Variants in ARHGEF33 observed in about 807,000 individuals in gnomAD.
The protein encoded by ARHGEF33 is Rho guanine nucleotide exchange factor 33, also known as DH and coiled-coil domain-containing protein ENSP00000381780.
Under a neutral mutation model 101.9 loss-of-function variants are expected in ARHGEF33, and 72 were observed. The ratio of observed to expected loss-of-function variants is 0.71; its 90% CI spans 0.58 to 0.86. The LOEUF (loss-of-function observed/expected upper bound fraction) is 0.86. Among genes scored for constraint, ARHGEF33 ranks in the 40% least tolerant of loss-of-function variants. The pLI is 0.00. For missense variants in ARHGEF33, 1,169 were observed against 1,111.3 expected, an observed-to-expected ratio of 1.05 and a Z score of -0.74; for synonymous variants, 499 against 442.5, an observed-to-expected ratio of 1.13 and a Z score of -1.60.
intron 2 of ARHGEF33, among the ~76,000 whole-genome samples, chr2:38,918,647 A>C (rs554901225): frequency 6.6e-6 from 1 of 152,334 alleles, no homozygotes; most frequent in East Asian, 1.9e-4. Flanking sequence ...AGTCTACCAG[A>C]TGCCGAAAGT....
intron 16 of ARHGEF33, among the ~76,000 whole-genome samples, chr2:38,961,621 GCAAA>G (rs1667941663): frequency 6.6e-6 from 1 of 152,056 alleles, no homozygotes; most frequent in Non-Finnish European, 1.5e-5. Context: ...TAATTTTTCA[GCAAA>G]CACTGAGTTC....
intron 15 of ARHGEF33, chr2:38,959,392 C>G (rs115277192): frequency 6.5e-6 from 1 of 154,336 alleles, no homozygotes; most frequent in African/African-American, 2.4e-5. Flanking sequence ...CAACAGTTAT[C>G]AAGATCATGC....
chr2:38,948,674 T>G (rs1667513085), intron 10 of ARHGEF33, among the ~76,000 whole-genome samples: 1 of 152,150 alleles, frequency 6.6e-6, no homozygotes, highest in Admixed American at 6.5e-5. Context: ...GGACAATTCT[T>G]CACAAAGTCA....
intron 14 of ARHGEF33, 137 bp downstream of exon 14, chr2:38,957,184 A>G: frequency 9.0e-7 from 1 of 1,115,152 alleles, no homozygotes; most frequent in East Asian, 2.6e-5. Context: ...GGAGAGAAAG[A>G]GCTAGTCAGA....
chr2:38,963,027 A>G (rs1330218908), intron 16 of ARHGEF33, among the ~76,000 whole-genome samples: 5 of 149,976 alleles, frequency 3.3e-5, no homozygotes, highest in Admixed American at 3.3e-4. Context: ...CTGTCTCAAA[A>G]AAAAAAAAAA....
chr2:38,962,143 C>T (rs1667957519), intron 16 of ARHGEF33, among the ~76,000 whole-genome samples: 1 of 152,100 alleles, frequency 6.6e-6, no homozygotes, highest in African/African-American at 2.4e-5. Context: ...GATTTTCAAC[C>T]CCAAGCTTTG....
chr2:38,940,770 T>C (rs1357110147), intron 9 of ARHGEF33, among the ~76,000 whole-genome samples: 1 of 152,240 alleles, frequency 6.6e-6, no homozygotes, highest in Admixed American at 6.5e-5. Context: ...CAGCAAGCTA[T>C]TGCAGCAGAC....
At chr2:38,941,869 A>C (rs1667318263) in intron 9 of ARHGEF33, among the ~76,000 whole-genome samples, 1 of 151,654 alleles carries the variant, frequency 6.6e-6, no homozygotes, top group African/African-American at 2.4e-5. Context: ...TCTATCTGGT[A>C]ACTTTTAGGA....
At chr2:38,890,242 A>C (rs1665966244) in intron 1 of ARHGEF33, among the ~76,000 whole-genome samples, 1 of 152,204 alleles carries the variant, frequency 6.6e-6, no homozygotes, top group African/African-American at 2.4e-5. Flanking sequence ...CTGGAGACTG[A>C]AGTTGTTCTG....
intron 15 of ARHGEF33, 84 bp from the exon 16 acceptor site, chr2:38,959,757 G>T: frequency 7.2e-7 from 1 of 1,384,914 alleles, no homozygotes; most frequent in East Asian, 2.5e-5. Context: ...CTCGGAGCGC[G>T]GCCCCGAGGG....
intron 17 of ARHGEF33, among the ~76,000 whole-genome samples, chr2:38,969,865 C>T (rs1572785685): frequency 6.6e-6 from 1 of 152,216 alleles, no homozygotes; most frequent in African/African-American, 2.4e-5. Context: ...CAAACTGTCC[C>T]ATTCTAGAAG....
At chr2:38,905,670 T>A (rs1666372073) in intron 2 of ARHGEF33, among the ~76,000 whole-genome samples, 1 of 152,348 alleles carries the variant, frequency 6.6e-6, no homozygotes, top group East Asian at 1.9e-4. Flanking sequence ...TATTTAGTTC[T>A]ACAGCAGGAA....
chr2:38,973,009 G>A (rs1303927410), intron 17 of ARHGEF33: 1 of 152,202 alleles, frequency 6.6e-6, no homozygotes, highest in Non-Finnish European at 1.5e-5. Context: ...CCTCCCTCCA[G>A]GGACTTCTGA....
chr2:38,902,835 ATGT>A (rs1474901705), intron 2 of ARHGEF33, among the ~76,000 whole-genome samples: 1 of 152,146 alleles, frequency 6.6e-6, no homozygotes, highest in Non-Finnish European at 1.5e-5. Flanking sequence ...TGATTGGTAA[ATGT>A]TGTGGAGAAA....
At position 38,975,410 on chromosome 2, in the gene ARHGEF33, C is replaced by T. The variant is rs1376963132; in HGVS notation, c.*1567C>T. ...TCGACTGGACGTGGAAAGTGAAATACTACAGAAGTCACAATCTATTAAATA... is the reference window on the plus strand; with the variant it reads ...TCGACTGGACGTGGAAAGTGAAATATTACAGAAGTCACAATCTATTAAATA... On this transcript the variant is annotated 3_prime_UTR_variant, in exon 18 of 18. Transcript: ENST00000409978. 2.6e-5 allele frequency: 4 copies of T among 152,210 alleles called. No homozygotes were observed. Among genetic ancestry groups the T allele is most frequent in the South Asian group, 2.1e-4 (1 of 4,820 alleles). The allele number at this position is 152,210 out of a possible 1,614,324, so 9.4% of individuals were successfully genotyped here.
intron 16 of ARHGEF33, 128 bp downstream of exon 16, chr2:38,960,776 C>T (rs1214380685): frequency 1.8e-5 from 14 of 791,112 alleles, no homozygotes; most frequent in Non-Finnish European, 2.1e-5. Flanking sequence ...GCTGCGCGAG[C>T]CGTCGGCGGG....
At chr2:38,928,562 A>G (rs1666923314) in intron 4 of ARHGEF33, among the ~76,000 whole-genome samples, 2 of 152,224 alleles carry the variant, frequency 1.3e-5, no homozygotes, top group South Asian at 4.1e-4. Flanking sequence ...TCAAAGAGTT[A>G]TTGGATCAAG....
intron 17 of ARHGEF33, chr2:38,969,422 G>A (rs1484211308): frequency 1.8e-5 from 3 of 169,232 alleles, no homozygotes; most frequent in Non-Finnish European, 1.5e-5. Context: ...TTTGGCTGGT[G>A]GCCCCACACA....
At chr2:38,919,810 A>C (rs759713501) in intron 3 of ARHGEF33, among the ~76,000 whole-genome samples, 2 of 152,220 alleles carry the variant, frequency 1.3e-5, no homozygotes, top group Non-Finnish European at 2.9e-5. Context: ...AATCTTTACC[A>C]TATAAAAACA....
Sources: allele counts gnomAD v4.1 joint callset (sites outside exome capture counted in the v4.1 genomes callset), GRCh38; gene constraint gnomAD v4.1.1; transcripts MANE v1.5; gene names NCBI Gene and HGNC (gene_info 2026-07-23, HGNC 2026-07-21).